The following KLHDC3 variants were observed in gnomAD, a reference collection of about 807,000 sequenced individuals.
KLHDC3 encodes the protein kelch domain containing 3.
KLHDC3 carries 5 observed loss-of-function variants against 44.1 expected under a neutral mutation model. That is an observed-to-expected ratio of 0.11 (90% CI 0.06 to 0.24). KLHDC3 has a LOEUF of 0.24. Among genes scored for constraint, KLHDC3 ranks in the 10% least tolerant of loss-of-function variants. The probability of loss-of-function intolerance (pLI) is 1.00; values close to 1 mark genes in which losing one functional copy is unlikely to be tolerated. For synonymous variants in KLHDC3, 170 were observed against 189.0 expected (o/e 0.90, Z 0.82); for missense variants, 247 against 514.3 (o/e 0.48, Z 5.03).
intron 10 of KLHDC3, among the ~76,000 whole-genome samples, chr6:43,020,382 T>C (rs1762662462): frequency 6.6e-6 from 1 of 152,152 alleles, no homozygotes; most frequent in Non-Finnish European, 1.5e-5. Context: ...TTGACTGACA[T>C]GTATACACAG....
Position 43,020,886 on chromosome 6 carries a change from G to A in KLHDC3, c.*153G>A. ...GTGTTCTCTGTGCTGTGAATTCAGT[G>A]GGGAGCTGTAGCGGGGTGGGGGCTA... is the stretch of plus-strand genomic sequence containing the variant. On this transcript the variant is annotated 3_prime_UTR_variant, in exon 11 of 11. Transcript: ENST00000326974. 2.8e-6 allele frequency: 2 copies of A among 706,132 alleles called. No homozygotes were observed. The highest frequency in any genetic ancestry group is 3.1e-5 in the South Asian group (2 of 63,882). The allele number at this position is 706,132 out of a possible 1,614,324, so 43.7% of individuals were successfully genotyped here. A position where few individuals can be genotyped will look rare whatever the true frequency, so the allele number is the denominator to read the frequency against.
Position 43,018,525 on chromosome 6 carries a change from G to A in KLHDC3, c.702G>A (p.Val234=). The A allele has an allele frequency of 1.9e-6, 3 of 1,614,144 alleles. No homozygotes were observed. Among genetic ancestry groups the A allele is most frequent in the Non-Finnish European group, 2.5e-6 (3 of 1,180,046 alleles). Residue 234 remains valine (V), a synonymous_variant, in exon 6 of 11, where the codon GTG becomes GTA. Coordinates refer to ENST00000326974, the MANE Select transcript of KLHDC3 (RefSeq NM_057161.4). This position sits in a 1 kb window ranked among gnomAD's most constrained non-coding sequence, Gnocchi z 6.0. ...EAWLDCPPTP[V]LPEGRRSHSA... is the part of the protein sequence containing the mutation. Reference sequence around the variant, plus strand: ...GGCTGGACTGTCCCCCGACTCCAGTGCTGCCTGAGGGGCGCCGGAGCCACT... The same window carrying A: ...GGCTGGACTGTCCCCCGACTCCAGTACTGCCTGAGGGGCGCCGGAGCCACT...
chr6:43,020,400 G>T lies in KLHDC3; in HGVS notation c.1083-267G>T, dbSNP rs1362213210. ...ACTGACATGTATACACAGATCTCAG[G>T]TGCCTGGACACTGCAATATACATAC... On this transcript the variant is annotated intron_variant, in intron 10 of 10. Coordinates refer to ENST00000326974, the MANE Select transcript of KLHDC3 (RefSeq NM_057161.4). 2.6e-5 allele frequency among the ~76,000 whole-genome samples: 4 copies of T among 152,146 alleles called. No individual in the cohort carries two copies. In the East Asian group the frequency reaches 7.7e-4, roughly 29 times the overall value.
At position 43,018,984 on chromosome 6, in the gene KLHDC3, G is replaced by C. The variant is rs771942432; in HGVS notation, c.929+13G>C. ...TTGGGGGTACCAGGTTAGAAGGAGA[G>C]AGGGAAGGGGCTCAGGGAAGTCACT... On this transcript the variant is annotated intron_variant, in intron 8 of 10. Coordinates refer to ENST00000326974, the MANE Select transcript of KLHDC3 (RefSeq NM_057161.4). The surrounding 1 kb of genome is among the most constrained non-coding windows in gnomAD (Gnocchi z 6.0). The C allele has an allele frequency of 6.3e-6, 10 of 1,596,236 alleles. No individual in the cohort carries two copies. The highest frequency in any genetic ancestry group is 1.7e-4 in the Middle Eastern group (1 of 6,038).
chr6:43,016,006 G>C (rs1762562665), intron 1 of KLHDC3, among the ~76,000 whole-genome samples: 5 of 151,528 alleles, frequency 3.3e-5, no homozygotes, highest in Admixed American at 3.3e-4. Context: ...TGTGATCTCG[G>C]CTCACTCCAA....
chr6:43,016,125 G>A (rs950910098), intron 1 of KLHDC3, among the ~76,000 whole-genome samples: 4 of 151,838 alleles, frequency 2.6e-5, no homozygotes, highest in Non-Finnish European at 4.4e-5. Flanking sequence ...TAGTAGAGAC[G>A]GGTTTCACCA....
chr6:43,020,616 C>G, intron 10 of KLHDC3, 51 bp from the exon 11 acceptor site: 1 of 1,467,446 alleles, frequency 6.8e-7, no homozygotes, highest in Non-Finnish European at 9.6e-7. Flanking sequence ...CATCCCTTAG[C>G]TTGGGCTGAG....
At chr6:43,019,218 G>A in intron 9 of KLHDC3, 53 bp downstream of exon 9, 1 of 1,550,468 alleles carries the variant, frequency 6.4e-7, no homozygotes, top group African/African-American at 1.4e-5. Context: ...CTGTCTTTGG[G>A]TGGTGATATC....
intron 1 of KLHDC3, 184 bp from the exon 2 acceptor site, chr6:43,016,950 C>CT: frequency 1.8e-6 from 1 of 548,308 alleles, no homozygotes; most frequent in East Asian, 3.1e-5. Context: ...AGGCTGCTCC[C>CT]TGACCTCGGC....
Position 43,017,565 on chromosome 6 carries a change from T to C in KLHDC3, c.201T>C (p.Arg67=). Residue 67 remains arginine (R), a synonymous_variant, in exon 3 of 11, where the codon CGT becomes CGC. Transcript: ENST00000326974. The surrounding 1 kb of genome is among the most constrained non-coding windows in gnomAD (Gnocchi z 6.0). ...TKLPPVKSAI[R]GQAPVVPYMR... is the part of the protein sequence containing the mutation. ...TGCCCCCGGTGAAGTCTGCCATCCGTGGGCAAGCTCCTGTGGTACCCTACA... is the reference window on the plus strand; with the variant it reads ...TGCCCCCGGTGAAGTCTGCCATCCGCGGGCAAGCTCCTGTGGTACCCTACA... 1.2e-6 allele frequency: 2 copies of C among 1,612,022 alleles called. No individual in the cohort carries two copies. Among genetic ancestry groups the C allele is most frequent in the South Asian group, 2.2e-5 (2 of 90,922 alleles).
In KLHDC3 at chr6:43,019,349, T is replaced by A; in HGVS notation, c.1065T>A (p.Cys355Ter). The A allele has an allele frequency of 6.2e-7, 1 of 1,612,998 alleles. No homozygotes were observed. The highest frequency in any genetic ancestry group is 8.5e-7 in the Non-Finnish European group (1 of 1,179,030). Residue 355 changes from cysteine to a stop codon, truncating the protein, a stop_gained, in exon 10 of 11, where the codon TGT (cysteine) becomes TGA (stop). Transcript: ENST00000326974. LOFTEE classifies it high-confidence loss of function. ...AVIQYNLDQS[C>*]LPHDIRWELN... Reference sequence around the variant, plus strand: ...TTCAGTATAACCTAGACCAGTCCTGTTTGCCTCATGATATCAGGTACAGCG... The same window carrying A: ...TTCAGTATAACCTAGACCAGTCCTGATTGCCTCATGATATCAGGTACAGCG...
chr6:43,021,155 C>G lies in KLHDC3; in HGVS notation c.*422C>G, dbSNP rs1162912442. ...CTTGACTGGGAGCTGAAAGGAGTTG[C>G]AGCTGTTGGCATGAGACCTCCTTCT... is the stretch of plus-strand genomic sequence containing the variant. On this transcript the variant is annotated 3_prime_UTR_variant, in exon 11 of 11. Transcript: ENST00000326974. 9 of 465,170 alleles carry G rather than the reference C, an allele frequency of 1.9e-5. No homozygotes were observed. The highest frequency in any genetic ancestry group is 3.4e-5 in the Non-Finnish European group (8 of 233,424). The allele number at this position is 465,170 out of a possible 1,614,324, so 28.8% of individuals were successfully genotyped here. A position where few individuals can be genotyped will look rare whatever the true frequency, so the allele number is the denominator to read the frequency against.
In KLHDC3 at chr6:43,018,433, C is replaced by T; in HGVS notation, c.610C>T (p.Pro204Ser). Residue 204 changes from proline to serine, a missense_variant, in exon 6 of 11, where the codon CCA becomes TCA. Pro to Ser is a moderately conservative substitution (Grantham distance 74). Transcript: ENST00000326974. This position sits in a 1 kb window ranked among gnomAD's most constrained non-coding sequence, Gnocchi z 6.0. ...VFGGRADRFGPFHSNNEIYCN... is the reference protein window; with the variant it reads ...VFGGRADRFGSFHSNNEIYCN... ...TGGGGGCCGTGCCGACCGCTTTGGG[C>T]CATTCCATTCCAACAATGAGATTTA... The T allele has an allele frequency of 6.2e-7, 1 of 1,614,160 alleles. No homozygotes were observed. The highest frequency in any genetic ancestry group is 8.5e-7 in the Non-Finnish European group (1 of 1,180,020).
At chr6:43,019,250 C>T in intron 9 of KLHDC3, 38 bp from the exon 10 acceptor site, 1 of 1,575,694 alleles carries the variant, frequency 6.3e-7, no homozygotes, top group South Asian at 1.1e-5. Flanking sequence ...CCTTTCCTCA[C>T]CTTTGACCAT....
chr6:43,019,085 C>G lies in KLHDC3; in HGVS notation c.930-7C>G. The G allele has an allele frequency of 6.2e-7, 1 of 1,611,390 alleles. No individual in the cohort carries two copies. ...TCCTACTTTCATCTCTCTTTTGATC[C>G]CGACAGTCCATCTCCTGAGGAAGGC... On this transcript the variant is annotated splice_polypyrimidine_tract_variant and splice_region_variant and intron_variant, in intron 8 of 10. Transcript: ENST00000326974.
In KLHDC3 at chr6:43,017,431, C is replaced by T; in HGVS notation, c.154+85C>T. On this transcript the variant is annotated intron_variant, in intron 2 of 10. Coordinates refer to ENST00000326974, the MANE Select transcript of KLHDC3 (RefSeq NM_057161.4). The surrounding 1 kb of genome is among the most constrained non-coding windows in gnomAD (Gnocchi z 6.0). ...TGAGGTTTGGCTGTGGTCTCTGGGA[C>T]CAAGGGGATTGGGGACAAACATCTG... 6.4e-7 allele frequency: 1 copy of T among 1,566,440 alleles called. No homozygotes were observed.
chr6:43,019,593 TTC>T (rs1370419648), intron 10 of KLHDC3, among the ~76,000 whole-genome samples: 1 of 152,202 alleles, frequency 6.6e-6, no homozygotes, highest in Non-Finnish European at 1.5e-5. Flanking sequence ...CAGCATCACT[TTC>T]TGAGACCTAA....
intron 1 of KLHDC3, 180 bp from the exon 2 acceptor site, chr6:43,016,954 C>A: frequency 3.6e-6 from 2 of 554,448 alleles, no homozygotes; most frequent in Non-Finnish European, 6.4e-6. Context: ...TGCTCCCTGA[C>A]CTCGGCAGCT....
At chr6:43,014,623 G>T (rs1453445660) in intron 1 of KLHDC3, 2 of 456,908 alleles carry the variant, frequency 4.4e-6, no homozygotes, top group South Asian at 3.1e-5. Context: ...CATAATGGAA[G>T]GGGAGGGGTG....
Sources: allele counts gnomAD v4.1 joint callset (sites outside exome capture counted in the v4.1 genomes callset), GRCh38; gene constraint gnomAD v4.1.1; non-coding constraint Gnocchi (gnomAD v3.1); transcripts MANE v1.5; gene names NCBI Gene and HGNC (gene_info 2026-07-23, HGNC 2026-07-21).